The following LAMA2 variants were observed in gnomAD, a reference collection of about 807,000 sequenced individuals.
The protein encoded by LAMA2 is laminin subunit alpha 2.
In LAMA2, 269 loss-of-function variants were observed where a neutral mutation model predicts 364.8. The ratio of observed to expected loss-of-function variants is 0.74; its 90% CI spans 0.67 to 0.82. The LOEUF (loss-of-function observed/expected upper bound fraction) is 0.82, where lower values mean the gene tolerates loss of function less well. Among genes scored for constraint, LAMA2 ranks in the 40% least tolerant of loss-of-function variants. LAMA2 has a pLI of 0.00. For synonymous variants in LAMA2, 1,379 were observed against 1,370.6 expected, an observed-to-expected ratio of 1.01 and a Z score of -0.14; for missense variants, 3,807 against 3,873.2, an observed-to-expected ratio of 0.98 and a Z score of 0.45.
At chr6:129,250,290 G>C (rs2114277080) in intron 13 of LAMA2, 77 bp downstream of exon 13, 1 of 911,934 alleles carries the variant, frequency 1.1e-6, no homozygotes, top group East Asian at 2.4e-5. Flanking sequence ...TTTTTTACCT[G>C]CCTGGTTTGA....
intron 55 of LAMA2, among the ~76,000 whole-genome samples, chr6:129,482,575 T>G (rs184816928): frequency 9.8e-5 from 15 of 152,352 alleles, no homozygotes; most frequent in Admixed American, 9.8e-4. Flanking sequence ...ATCATGTTAT[T>G]TGTGATTACG....
In LAMA2 at chr6:128,979,154, C is replaced by A. The variant is rs534914829; in HGVS notation, c.113-70764C>A. On this transcript the variant is annotated intron_variant, in intron 1 of 64. Coordinates refer to ENST00000421865, the MANE Select transcript of LAMA2 (RefSeq NM_000426.4). The stretch of plus-strand genomic sequence containing the variant: ...TGATATGGTCTCTGTTGCAATTACT[C>A]AACTCTGCTGTTGTAAGGGAGAAGC... Among the ~76,000 whole-genome samples, 4 of 152,274 alleles carry A rather than the reference C, an allele frequency of 2.6e-5. No individual in the cohort carries two copies. The South Asian group carries it at 8.3e-4, about 32-fold the overall frequency.
chr6:129,250,265 G>A, intron 13 of LAMA2, 52 bp downstream of exon 13: 1 of 1,110,874 alleles, frequency 9.0e-7, no homozygotes, highest in Middle Eastern at 2.0e-4. Flanking sequence ...GTTACTTAAG[G>A]TTACCAGTAC....
At chr6:129,353,022 A>G (rs1776940841) in intron 31 of LAMA2, 142 bp from the exon 32 acceptor site, 3 of 606,484 alleles carry the variant, frequency 4.9e-6, no homozygotes, top group Non-Finnish European at 5.8e-6. Flanking sequence ...ACTGTTTACT[A>G]TCTGACCCTT....
At chr6:129,200,122 G>A (rs372338015) in intron 12 of LAMA2, among the ~76,000 whole-genome samples, 3 of 102,622 alleles carry the variant, frequency 2.9e-5, no homozygotes, top group African/African-American at 8.2e-5. Context: ...GTATATATAT[G>A]TGTATATATA....
At position 129,031,505 on chromosome 6, in the gene LAMA2, A is replaced by G. The variant is rs192812647; in HGVS notation, c.113-18413A>G. 8.4e-3 allele frequency among the ~76,000 whole-genome samples: 1,272 copies of G among 152,334 alleles called. 11 individuals are homozygous for G. Among genetic ancestry groups the G allele is most frequent in the Non-Finnish European group, 0.014 (943 of 68,020 alleles). On this transcript the variant is annotated intron_variant, in intron 1 of 64. Coordinates refer to ENST00000421865, the MANE Select transcript of LAMA2 (RefSeq NM_000426.4). Reference sequence around the variant, plus strand: ...CATAGAGAATTCAAAGTGACTCACGAAAAGACACACAAAAGAAGAAATGTT... The same window carrying G: ...CATAGAGAATTCAAAGTGACTCACGGAAAGACACACAAAAGAAGAAATGTT...
chr6:129,473,532 T>C (rs1326708759), intron 52 of LAMA2, among the ~76,000 whole-genome samples, 180 bp downstream of exon 52: 1 of 152,074 alleles, frequency 6.6e-6, no homozygotes, highest in East Asian at 1.9e-4. Context: ...ACCAAAGGAC[T>C]AATTTGACAT....
intron 1 of LAMA2, among the ~76,000 whole-genome samples, chr6:128,897,074 C>A (rs965341644): frequency 6.6e-6 from 1 of 152,168 alleles, no homozygotes; most frequent in African/African-American, 2.4e-5. Context: ...GTAAAACAAC[C>A]AGTGAACTGG....
intron 18 of LAMA2, among the ~76,000 whole-genome samples, chr6:129,280,411 A>G (rs1268985107): frequency 6.6e-6 from 1 of 152,166 alleles, no homozygotes; most frequent in Non-Finnish European, 1.5e-5. Flanking sequence ...TTAACCTACA[A>G]TCTTTGTAGA....
chr6:129,261,186 T>TA (rs999702937), intron 15 of LAMA2, among the ~76,000 whole-genome samples: 5 of 152,028 alleles, frequency 3.3e-5, no homozygotes, highest in African/African-American at 1.2e-4. Context: ...ATTTTTTTTT[T>TA]ACTTTTCTCT....
At chr6:128,885,313 C>T (rs1282737671) in intron 1 of LAMA2, among the ~76,000 whole-genome samples, 3 of 152,092 alleles carry the variant, frequency 2.0e-5, no homozygotes, top group South Asian at 2.1e-4. Context: ...TTTAAAAATG[C>T]CTTATGTACA....
intron 22 of LAMA2, among the ~76,000 whole-genome samples, chr6:129,306,710 C>T (rs751915332): frequency 6.6e-6 from 1 of 151,848 alleles, no homozygotes; most frequent in Non-Finnish European, 1.5e-5. Flanking sequence ...TGTCCAAAGT[C>T]ACTGATTTTT....
chr6:129,211,682 A>C (rs1339591886), intron 12 of LAMA2, among the ~76,000 whole-genome samples: 2 of 152,200 alleles, frequency 1.3e-5, no homozygotes, highest in Non-Finnish European at 2.9e-5. Flanking sequence ...TCTAGTCATC[A>C]TTCAAAAAGC....
intron 6 of LAMA2, among the ~76,000 whole-genome samples, chr6:129,147,965 G>A (rs1286884608): frequency 3.3e-5 from 5 of 151,484 alleles, no homozygotes; most frequent in South Asian, 2.1e-4. Context: ...CTGGATACTC[G>A]TGCACAACAT....
intron 4 of LAMA2, among the ~76,000 whole-genome samples, chr6:129,126,411 G>A (rs947735616): frequency 4.6e-5 from 7 of 152,144 alleles, no homozygotes; most frequent in African/African-American, 7.2e-5. Flanking sequence ...TTGGCATCAC[G>A]TAAGATACCA....
intron 37 of LAMA2, among the ~76,000 whole-genome samples, chr6:129,397,913 G>A (rs1391584404): frequency 6.9e-6 from 1 of 145,358 alleles, no homozygotes; most frequent in Non-Finnish European, 1.5e-5. Context: ...CTCCAGCCTG[G>A]GCGACAGAGT....
chr6:129,478,940 C>T (rs911022465), intron 54 of LAMA2, 127 bp downstream of exon 54: 71 of 846,898 alleles, frequency 8.4e-5, no homozygotes, highest in Middle Eastern at 2.4e-4. Flanking sequence ...TACTCTTAAA[C>T]GATAAAGCAA....
chr6:129,231,739 C>A (rs949287809), intron 12 of LAMA2, among the ~76,000 whole-genome samples: 2 of 151,178 alleles, frequency 1.3e-5, no homozygotes, highest in African/African-American at 4.9e-5. Flanking sequence ...AAATAGTGAG[C>A]CTGAATTTTT....
In LAMA2 at chr6:129,186,844, G is replaced by C. The variant is rs1781257409; in HGVS notation, c.1468-3361G>C. Among the ~76,000 whole-genome samples the C allele has an allele frequency of 2.6e-5, 4 of 151,620 alleles. 1 individual carries two copies. The Middle Eastern group carries it at 0.01, about 389-fold the overall frequency. On this transcript the variant is annotated intron_variant, in intron 10 of 64. Transcript: ENST00000421865. ...TTCTCCAAGTAGAAACTGTGCTAAG[G>C]GAACTAAAGCAAAAAAGAAAATTCC... is the stretch of plus-strand genomic sequence containing the variant.
Sources: allele counts gnomAD v4.1 joint callset (sites outside exome capture counted in the v4.1 genomes callset), GRCh38; gene constraint gnomAD v4.1.1; transcripts MANE v1.5; gene names NCBI Gene and HGNC (gene_info 2026-07-23, HGNC 2026-07-21).